The following HMCN1 variants were observed in gnomAD, a reference collection of about 807,000 sequenced individuals.
The protein encoded by HMCN1 is hemicentin 1.
A neutral mutation model predicts 625.9 loss-of-function variants in HMCN1; 321 were observed. That is an observed-to-expected ratio of 0.51 (90% CI 0.47 to 0.56). HMCN1 has a LOEUF of 0.56. Ranked by LOEUF, HMCN1 falls within the 20% of genes least tolerant of loss-of-function variation. The pLI, the probability that HMCN1 is intolerant of heterozygous loss-of-function variation, is 0.00. For missense variants in HMCN1, 6,588 were observed against 6,887.3 expected (o/e 0.96, Z 1.54); for synonymous variants, 2,425 against 2,417.6 (o/e 1.00, Z -0.09).
Position 186,062,513 on chromosome 1 carries a change from G to C in HMCN1, c.7427-1G>C. 6.3e-7 allele frequency: 1 copy of C among 1,590,164 alleles called. No homozygotes were observed. The highest frequency in any genetic ancestry group is 8.6e-7 in the Non-Finnish European group (1 of 1,158,550). On this transcript the variant is annotated splice_acceptor_variant, in intron 47 of 106. Transcript: ENST00000271588. LOFTEE classifies it high-confidence loss of function. ...ATTTTGTTGTTGTTGTTGTTTTTTA[G>C]TACCACCTCATATTGTGGGTGAAAA...
intron 35 of HMCN1, among the ~76,000 whole-genome samples, chr1:186,020,273 G>A (rs74134287): frequency 1.3e-4 from 15 of 117,034 alleles, no homozygotes; most frequent in Middle Eastern, 4.4e-3. Context: ...ATAGATGATA[G>A]ATTTCAAATC....
At chr1:186,169,200 G>C (rs947929930) in intron 100 of HMCN1, among the ~76,000 whole-genome samples, 1 of 152,002 alleles carries the variant, frequency 6.6e-6, no homozygotes, top group Non-Finnish European at 1.5e-5. Flanking sequence ...AAGGAAATAA[G>C]AGAGGACACA....
At position 186,038,887 on chromosome 1, in the gene HMCN1, G is replaced by T; in HGVS notation, c.5910G>T (p.Leu1970Phe). ...CAGGTTCCACCAGCATGACTTTCTT[G>T]AACAGAGGACAGATCATTGATATTG... ...LLSGSTSMTF[L>F]NRGQIIDIES... The change falls in exon 38 of 107, where the codon TTG becomes TTT. Residue 1970 changes from leucine (L) to phenylalanine (F), a missense_variant. Physicochemically the swap from Leu to Phe is conservative, Grantham distance 22. This residue lies in a region of HMCN1 where 4,628 missense variants were observed against 4,853.1 expected (regional missense o/e 0.95). Coordinates refer to ENST00000271588, the MANE Select transcript of HMCN1 (RefSeq NM_031935.3). The T allele has an allele frequency of 6.2e-7, 1 of 1,604,486 alleles. No homozygotes were observed. Among genetic ancestry groups the T allele is most frequent in the South Asian group, 1.1e-5 (1 of 90,852 alleles).
intron 8 of HMCN1, 69 bp from the exon 9 acceptor site, chr1:185,924,977 AG>A: frequency 7.9e-7 from 1 of 1,262,912 alleles, no homozygotes; most frequent in East Asian, 2.5e-5. Flanking sequence ...ATGGATTAAG[AG>A]GCAGTACTTA....
rs375802867 is a variant in HMCN1 at position 185,782,903 on chromosome 1, G to A, written c.268+47856G>A. Among the ~76,000 whole-genome samples the A allele has an allele frequency of 8.2e-3, 1,247 of 152,062 alleles. 10 individuals are homozygous for A. The highest frequency in any genetic ancestry group is 0.027 in the Middle Eastern group (8 of 294). On this transcript the variant is annotated intron_variant, in intron 1 of 106. Coordinates refer to ENST00000271588, the MANE Select transcript of HMCN1 (RefSeq NM_031935.3). ...TTTGAATGTTGGTCTGCTTTGCTAG[G>A]TTGGGGAAGTTCTCCTGGATAATAT...
intron 24 of HMCN1, among the ~76,000 whole-genome samples, chr1:185,996,266 G>A (rs1652782321): frequency 6.6e-6 from 1 of 152,062 alleles, no homozygotes; most frequent in African/African-American, 2.4e-5. Flanking sequence ...AGAAGTGAGG[G>A]GCAGCCCTTC....
chr1:185,934,844 G>A (rs534224829), intron 11 of HMCN1, among the ~76,000 whole-genome samples: 11 of 152,122 alleles, frequency 7.2e-5, no homozygotes, highest in Admixed American at 1.3e-4. Context: ...ATCTTAGAAT[G>A]TTATTAATGA....
intron 1 of HMCN1, among the ~76,000 whole-genome samples, chr1:185,826,918 T>G (rs1660549936): frequency 6.6e-6 from 1 of 152,028 alleles, no homozygotes; most frequent in Non-Finnish European, 1.5e-5. Flanking sequence ...CTAAGATCTT[T>G]TTTTAAAAAA....
chr1:185,844,940 G>A (rs1661717632), intron 1 of HMCN1, among the ~76,000 whole-genome samples: 1 of 152,202 alleles, frequency 6.6e-6, no homozygotes, highest in South Asian at 2.1e-4. Flanking sequence ...GTTAACCCAT[G>A]ATATCTGGGA....
At chr1:185,973,813 G>GA (rs1651003093) in intron 15 of HMCN1, among the ~76,000 whole-genome samples, 1 of 152,082 alleles carries the variant, frequency 6.6e-6, no homozygotes. Context: ...AAGTTGGCTT[G>GA]GCAGTGATTT....
chr1:186,032,548 C>T (rs1017759055), intron 36 of HMCN1, among the ~76,000 whole-genome samples: 1 of 152,070 alleles, frequency 6.6e-6, no homozygotes, highest in African/African-American at 2.4e-5. Flanking sequence ...CACCTTTGCT[C>T]TGCACTGCTC....
chr1:185,858,396 G>A (rs1172060313), intron 2 of HMCN1, among the ~76,000 whole-genome samples: 1 of 151,624 alleles, frequency 6.6e-6, no homozygotes, highest in Non-Finnish European at 1.5e-5. Context: ...AAATGAAACT[G>A]CGGCAGACGT....
chr1:185,976,089 T>G (rs1651190785), intron 15 of HMCN1, among the ~76,000 whole-genome samples: 1 of 152,166 alleles, frequency 6.6e-6, no homozygotes, highest in Non-Finnish European at 1.5e-5. Flanking sequence ...AACAACAGGT[T>G]GAATGTGGTG....
At chr1:185,867,685 A>C (rs553170986) in intron 4 of HMCN1, among the ~76,000 whole-genome samples, 29 of 152,230 alleles carry the variant, frequency 1.9e-4, no homozygotes, top group African/African-American at 6.7e-4. Flanking sequence ...GTATTACAGA[A>C]GAGGCAAGAA....
At chr1:186,077,616 G>A (rs2383432) in intron 54 of HMCN1, among the ~76,000 whole-genome samples, 94,942 of 151,954 alleles carry the variant, frequency 0.62, 31,505 homozygotes, top group African/African-American at 0.87. Flanking sequence ...TATAATTATT[G>A]CAACTTTTCT....
At position 185,921,533 on chromosome 1, in the gene HMCN1, T is replaced by C. The variant is rs1344701084; in HGVS notation, c.901-846T>C. Among the ~76,000 whole-genome samples, 2 of 152,176 alleles carry C rather than the reference T, an allele frequency of 1.3e-5. 1 individual carries two copies. The highest frequency in any genetic ancestry group is 4.8e-5 in the African/African-American group (2 of 41,452). ...TCTACCAGATTAAAATTTATATATA[T>C]ATACTTCCAGTGCATTCTGTCATTG... On this transcript the variant is annotated intron_variant, in intron 6 of 106. Coordinates refer to ENST00000271588, the MANE Select transcript of HMCN1 (RefSeq NM_031935.3).
At chr1:185,903,455 G>T (rs1028025751) in intron 4 of HMCN1, among the ~76,000 whole-genome samples, 4 of 147,898 alleles carry the variant, frequency 2.7e-5, no homozygotes, top group African/African-American at 9.9e-5. Context: ...CAGAAAGTCT[G>T]TTTTTTTTTT....
In HMCN1 at chr1:186,045,842, T is replaced by C; in HGVS notation, c.6459T>C (p.Ser2153=). The change falls in exon 41 of 107, where the codon TCT becomes TCC. Residue 2153 remains serine (S), a synonymous_variant. Transcript: ENST00000271588. ...TGAAGAAACCAGGCCTCAGTATATC[T>C]GAAAATAGAAGTGTGTTAAAGGTAA... ...PLLKKPGLSI[S]ENRSVLKIED... 6.2e-7 allele frequency: 1 copy of C among 1,611,954 alleles called. No homozygotes were observed. The highest frequency in any genetic ancestry group is 1.1e-5 in the South Asian group (1 of 91,038).
intron 11 of HMCN1, among the ~76,000 whole-genome samples, chr1:185,935,856 T>C (rs1667788081): frequency 6.6e-6 from 1 of 152,162 alleles, no homozygotes; most frequent in African/African-American, 2.4e-5. Flanking sequence ...GCTATGGGTA[T>C]TTGATGAAGT....
Sources: allele counts gnomAD v4.1 joint callset (sites outside exome capture counted in the v4.1 genomes callset), GRCh38; gene constraint gnomAD v4.1.1; regional missense constraint gnomAD v4.1.1; transcripts MANE v1.5; gene names NCBI Gene and HGNC (gene_info 2026-07-23, HGNC 2026-07-21).